Variants in CTR9 observed in about 807,000 individuals in gnomAD.
CTR9 encodes the protein RNA polymerase-associated protein CTR9 homolog.
In CTR9, 41 loss-of-function variants were observed where a neutral mutation model predicts 152.1. The observed-to-expected ratio is 0.27, with a 90% CI of 0.21 to 0.35. The LOEUF is 0.35. CTR9 is among the 10% of genes least tolerant of loss of function. The pLI is 1.00. For synonymous variants in CTR9, 476 were observed against 496.2 expected (o/e 0.96, Z 0.54); for missense variants, 917 against 1,424.4 (o/e 0.64, Z 5.73).
At chr11:10,761,185 T>C (rs1156883625) in intron 6 of CTR9, among the ~76,000 whole-genome samples, 1 of 152,144 alleles carries the variant, frequency 6.6e-6, no homozygotes, top group Non-Finnish European at 1.5e-5. Context: ...GTTCCTCCAA[T>C]TGTGATAACC....
intron 21 of CTR9, 64 bp from the exon 22 acceptor site, chr11:10,773,948 T>G: frequency 8.6e-7 from 1 of 1,167,352 alleles, no homozygotes; most frequent in South Asian, 1.5e-5. Context: ...TTTCTGTACC[T>G]TAGCATTCTA....
In CTR9 at chr11:10,778,985, G is replaced by A. The variant is rs147016884; in HGVS notation, c.3402G>A (p.Ser1134=). 1,020 of 1,614,116 alleles carry A rather than the reference G, an allele frequency of 6.3e-4. 1 individual carries two copies. Among genetic ancestry groups the A allele is most frequent in the Non-Finnish European group, 8.3e-4 (974 of 1,180,020 alleles). ...CAAGTGCCGAATCAGATCACGAATC[G>A]GAGAGAGGATCTGATAATGAGGGTT... ...ASPSAESDHE[S]ERGSDNEGSG... Residue 1134 remains serine, a synonymous_variant, in exon 25 of 25, where the codon TCG becomes TCA. Transcript: ENST00000361367.
chr11:10,761,312 A>G (rs981766496), intron 6 of CTR9, among the ~76,000 whole-genome samples: 2 of 152,150 alleles, frequency 1.3e-5, no homozygotes, highest in South Asian at 4.1e-4. Context: ...GGGGAAGGGA[A>G]CTTTCCTTCC....
At chr11:10,758,005 T>G (rs570551910) in intron 5 of CTR9, among the ~76,000 whole-genome samples, 4 of 151,984 alleles carry the variant, frequency 2.6e-5, no homozygotes, top group African/African-American at 9.7e-5. Flanking sequence ...GGTACAAAGG[T>G]CCAGAGGAAA....
intron 8 of CTR9, 35 bp from the exon 9 acceptor site, chr11:10,763,607 TG>T (rs776655388): frequency 6.4e-7 from 1 of 1,566,080 alleles, no homozygotes; most frequent in Non-Finnish European, 8.7e-7. Flanking sequence ...CCAATACTTT[TG>T]TACATATTGG....
chr11:10,760,086 C>A, intron 5 of CTR9, 87 bp from the exon 6 acceptor site: 1 of 1,465,840 alleles, frequency 6.8e-7, no homozygotes, highest in Non-Finnish European at 9.4e-7. Context: ...GATTTTGCAA[C>A]TCATAAATAG....
chr11:10,753,243 G>C (rs567925752), intron 2 of CTR9, among the ~76,000 whole-genome samples: 1 of 152,002 alleles, frequency 6.6e-6, no homozygotes, highest in Non-Finnish European at 1.5e-5. Flanking sequence ...TATGTTTTTT[G>C]TCCTATTTAG....
rs1257509378 is a variant in CTR9, at chr11:10,751,316, G to C, written c.-97G>C. 1 of 1,334,028 alleles carries C rather than the reference G, an allele frequency of 7.5e-7. No individual in the cohort carries two copies. The highest frequency in any genetic ancestry group is 1.1e-6 in the Non-Finnish European group (1 of 934,410). 82.6% of individuals were successfully genotyped at this position (1,334,028 alleles called of 1,614,324 possible). A position where few individuals can be genotyped will look rare whatever the true frequency, so the allele number is the denominator to read the frequency against. Reference sequence around the variant, plus strand: ...CGCCGCGGGGCGGCAGTCAAGACCAGAGCCGGAGCCGTCACTCACCTCTGG... The same window carrying C: ...CGCCGCGGGGCGGCAGTCAAGACCACAGCCGGAGCCGTCACTCACCTCTGG... On this transcript the variant is annotated 5_prime_UTR_variant, in exon 1 of 25. Coordinates refer to ENST00000361367, the MANE Select transcript of CTR9 (RefSeq NM_014633.5).
intron 24 of CTR9, among the ~76,000 whole-genome samples, chr11:10,778,187 C>CGATGGCAAT (rs1326779178): frequency 3.9e-5 from 6 of 152,204 alleles, no homozygotes; most frequent in Non-Finnish European, 8.8e-5. Flanking sequence ...CCTCACTCTT[C>CGATGGCAAT]AGGTACCTGT....
At chr11:10,756,364 T>C (rs1000979184) in intron 4 of CTR9, among the ~76,000 whole-genome samples, 1 of 152,192 alleles carries the variant, frequency 6.6e-6, no homozygotes, top group African/African-American at 2.4e-5. Context: ...GTATTAAGCC[T>C]AGTACCTATT....
chr11:10,763,982 T>C, intron 9 of CTR9, 103 bp downstream of exon 9: 1 of 1,327,254 alleles, frequency 7.5e-7, no homozygotes, highest in Non-Finnish European at 1.1e-6. Context: ...AGAAACAGTT[T>C]TGTTAGCTGA....
rs1863279270 is a variant in CTR9, at chr11:10,778,665, A to T, written c.3096-14A>T. The T allele has an allele frequency of 6.2e-7, 1 of 1,602,918 alleles. No homozygotes were observed. Among genetic ancestry groups the T allele is most frequent in the East Asian group, 2.2e-5 (1 of 44,640 alleles). On this transcript the variant is annotated splice_polypyrimidine_tract_variant and intron_variant, in intron 24 of 24. Coordinates refer to ENST00000361367, the MANE Select transcript of CTR9 (RefSeq NM_014633.5). Reference sequence around the variant, plus strand: ...CAGAATCCTCAGCTTCTAACCAATGATCATCTTTGCCAGACATCCCAGGAA... The same window carrying T: ...CAGAATCCTCAGCTTCTAACCAATGTTCATCTTTGCCAGACATCCCAGGAA...
chr11:10,754,915 G>T, intron 2 of CTR9, 43 bp from the exon 3 acceptor site: 1 of 1,582,224 alleles, frequency 6.3e-7, no homozygotes, highest in South Asian at 1.2e-5. Flanking sequence ...TTTTTATATG[G>T]ACATATGCTT....
chr11:10,767,836 A>G lies in CTR9; in HGVS notation c.1717A>G (p.Asn573Asp). 6.2e-7 allele frequency: 1 copy of G among 1,614,108 alleles called. No individual in the cohort carries two copies. The highest frequency in any genetic ancestry group is 8.5e-7 in the Non-Finnish European group (1 of 1,179,986). Reference protein sequence around the residue: ...DHPDAWSLIGNLHLAKQEWGP... With the variant: ...DHPDAWSLIGDLHLAKQEWGP... ...TCCAGATGCTTGGTCTTTGATTGGC[A>G]ATCTTCATTTGGCAAAACAAGAATG... The change falls in exon 14 of 25, where the codon AAT becomes GAT. Residue 573 changes from asparagine (N) to aspartate (D), a missense_variant. By Grantham distance (23) the Asn-to-Asp change is conservative (BLOSUM62 1). Around this residue, in one of 9 missense-constraint regions of CTR9, gnomAD observed 87 missense variants for 235.7 expected, o/e 0.37. Coordinates refer to ENST00000361367, the MANE Select transcript of CTR9 (RefSeq NM_014633.5). This position sits in a 1 kb window ranked among gnomAD's most constrained non-coding sequence, Gnocchi z 4.0.
chr11:10,766,581 C>G, intron 13 of CTR9, 91 bp downstream of exon 13: 1 of 870,160 alleles, frequency 1.1e-6, no homozygotes. Flanking sequence ...GCTACATCTT[C>G]CTGGTTTTGT....
At chr11:10,775,448 A>G in intron 23 of CTR9, 73 bp from the exon 24 acceptor site, 1 of 1,408,248 alleles carries the variant, frequency 7.1e-7, no homozygotes, top group South Asian at 1.2e-5. Flanking sequence ...GTATCATTGT[A>G]ATGCAAACCC....
chr11:10,760,011 A>G (rs955772488), intron 5 of CTR9, among the ~76,000 whole-genome samples, 162 bp from the exon 6 acceptor site: 2 of 152,226 alleles, frequency 1.3e-5, no homozygotes, highest in Non-Finnish European at 2.9e-5. Flanking sequence ...GTAGCCTCCA[A>G]GGAAACCAAG....
At chr11:10,759,580 G>T (rs1270058224) in intron 5 of CTR9, among the ~76,000 whole-genome samples, 1 of 152,188 alleles carries the variant, frequency 6.6e-6, no homozygotes, top group Non-Finnish European at 1.5e-5. Context: ...ATCAAGAGAG[G>T]ATTTGTATAA....
chr11:10,756,118 G>A (rs1196817916), intron 4 of CTR9, among the ~76,000 whole-genome samples: 1 of 151,960 alleles, frequency 6.6e-6, no homozygotes, highest in African/African-American at 2.4e-5. Flanking sequence ...GACGAGCTGG[G>A]GCAACATAGC....
Sources: gnomAD v4.1 joint callset for allele counts (sites outside exome capture counted in the v4.1 genomes callset) on GRCh38, gnomAD v4.1.1 for gene constraint, gnomAD v4.1.1 regional missense constraint, Gnocchi (gnomAD v3.1) non-coding constraint, MANE v1.5 for transcripts, NCBI Gene and HGNC (gene_info 2026-07-23, HGNC 2026-07-21) for gene names.